Variants in MEGF6 observed in about 807,000 individuals in gnomAD.
The protein encoded by MEGF6 is multiple EGF like domains 6.
MEGF6 carries 184 observed loss-of-function variants against 207.1 expected under a neutral mutation model. The ratio of observed to expected loss-of-function variants is 0.89; its 90% CI spans 0.79 to 1.00. The LOEUF (loss-of-function observed/expected upper bound fraction) is 1.00. Among genes scored for constraint, MEGF6 ranks in the 50% least tolerant of loss-of-function variants. The pLI is 0.00. For missense variants in MEGF6, 2,282 were observed against 2,202.9 expected (o/e 1.04, Z -0.72); for synonymous variants, 1,038 against 910.0 (o/e 1.14, Z -2.53).
At chr1:3,562,248 A>G (rs536822705) in intron 4 of MEGF6, among the ~76,000 whole-genome samples, 2 of 149,248 alleles carry the variant, frequency 1.3e-5, no homozygotes, top group African/African-American at 2.5e-5. Context: ...CTATCTCTCT[A>G]TGTCTCTTTG....
chr1:3,551,583 T>C (rs1367159116), intron 4 of MEGF6, among the ~76,000 whole-genome samples: 1 of 152,024 alleles, frequency 6.6e-6, no homozygotes, highest in Non-Finnish European at 1.5e-5. Context: ...GCTCCCAGGA[T>C]GCGGTCCAGC....
At chr1:3,492,873 G>T in intron 34 of MEGF6, 106 bp from the exon 35 acceptor site, 1 of 1,467,768 alleles carries the variant, frequency 6.8e-7, no homozygotes, top group African/African-American at 1.4e-5. Context: ...GTGGAGTGAA[G>T]CCTTCTGCCT....
rs767301384 is a variant in MEGF6, at chr1:3,515,436, C to T, written c.696G>A (p.Gly232=). Residue 232 remains glycine, a synonymous_variant, in exon 6 of 37, where the codon GGG becomes GGA. Coordinates refer to ENST00000356575, the MANE Select transcript of MEGF6 (RefSeq NM_001409.4). ...GCCTGCCGTCCTCCTGGAGCTGGAACCCGGGCCGGCACTGGCAGCGATGCC... is the reference window on the plus strand; with the variant it reads ...GCCTGCCGTCCTCCTGGAGCTGGAATCCGGGCCGGCACTGGCAGCGATGCC... ...ITRHRCQCRP[G]FQLQEDGRHC... is the part of the protein sequence containing the mutation. The T allele has an allele frequency of 6.2e-7, 1 of 1,612,600 alleles. No homozygotes were observed. The highest frequency in any genetic ancestry group is 8.5e-7 in the Non-Finnish European group (1 of 1,179,890).
At chr1:3,491,130 G>A (rs1329855584) in intron 35 of MEGF6, among the ~76,000 whole-genome samples, 171 bp from the exon 36 acceptor site, 1 of 84,178 alleles carries the variant, frequency 1.2e-5, no homozygotes, top group Non-Finnish European at 1.9e-5. Flanking sequence ...GCGGGAGCTG[G>A]GGGGGGGGGC....
intron 7 of MEGF6, among the ~76,000 whole-genome samples, chr1:3,512,429 G>A (rs1228839455): frequency 3.3e-5 from 5 of 152,250 alleles, no homozygotes; most frequent in South Asian, 4.1e-4. Context: ...ACGACACCCC[G>A]TGGCCATCCG....
At chr1:3,540,611 A>G (rs1157164419) in intron 4 of MEGF6, among the ~76,000 whole-genome samples, 1 of 152,220 alleles carries the variant, frequency 6.6e-6, no homozygotes, top group African/African-American at 2.4e-5. Flanking sequence ...TGGGTAATTT[A>G]CAAACCCCTG....
At chr1:3,523,018 A>T (rs1641815462) in intron 5 of MEGF6, among the ~76,000 whole-genome samples, 1 of 151,390 alleles carries the variant, frequency 6.6e-6, no homozygotes. Context: ...ACCCAGGGAA[A>T]CTTTACAGAG....
intron 17 of MEGF6, 44 bp from the exon 18 acceptor site, chr1:3,501,965 T>C: frequency 7.9e-7 from 1 of 1,260,572 alleles, no homozygotes; most frequent in Non-Finnish European, 1.0e-6. Context: ...CCACGTGGAG[T>C]GGACTGACCA....
In MEGF6 at chr1:3,592,146, C is replaced by T. The variant is rs1380448770; in HGVS notation, c.376+3192G>A. On this transcript the variant is annotated intron_variant, in intron 3 of 36. Coordinates refer to ENST00000356575, the MANE Select transcript of MEGF6 (RefSeq NM_001409.4). The stretch of plus-strand genomic sequence containing the variant: ...CAGCCCAACAACCTCACACAGTGGC[C>T]CCAGGAGAGCAGCCGGTCTAGAGAG... 3.3e-5 allele frequency among the ~76,000 whole-genome samples: 5 copies of T among 152,310 alleles called. No individual in the cohort carries two copies. In the East Asian group the frequency reaches 9.7e-4, roughly 29 times the overall value.
rs563626893 is a variant in MEGF6 at position 3,601,196 on chromosome 1, C to T, written c.266+1270G>A. On this transcript the variant is annotated intron_variant, in intron 2 of 36. Transcript: ENST00000356575. Reference sequence around the variant, plus strand: ...CCATAGCGAGGGGACTTCCTCAGCCCGGCCACCAGCACTCTCTCCAGCCCT... The same window carrying T: ...CCATAGCGAGGGGACTTCCTCAGCCTGGCCACCAGCACTCTCTCCAGCCCT... Among the ~76,000 whole-genome samples the T allele has an allele frequency of 3.9e-5, 6 of 152,336 alleles. No homozygotes were observed. In the South Asian group the frequency reaches 8.3e-4, roughly 21 times the overall value.
intron 4 of MEGF6, among the ~76,000 whole-genome samples, chr1:3,538,804 C>G (rs769524037): frequency 1.3e-5 from 2 of 151,842 alleles, no homozygotes; most frequent in Non-Finnish European, 2.9e-5. Flanking sequence ...GTGCGAGGCC[C>G]GGGGGCACCT....
chr1:3,540,485 A>G (rs1332909432), intron 4 of MEGF6, among the ~76,000 whole-genome samples: 2 of 152,198 alleles, frequency 1.3e-5, no homozygotes, highest in East Asian at 1.9e-4. Context: ...TCCAGGGCCC[A>G]TGGGCGAGGG....
Position 3,611,448 on chromosome 1 carries a change from C to T in MEGF6, c.-180G>A. 2.4e-6 allele frequency: 2 copies of T among 817,702 alleles called. No individual in the cohort carries two copies. Among genetic ancestry groups the T allele is most frequent in the African/African-American group, 1.8e-5 (1 of 55,134 alleles). The allele number at this position is 817,702 out of a possible 1,614,324, so 50.7% of individuals were successfully genotyped here. On this transcript the variant is annotated 5_prime_UTR_variant, in exon 1 of 37. Coordinates refer to ENST00000356575, the MANE Select transcript of MEGF6 (RefSeq NM_001409.4). ...TTCCCGCCCGCGCCCAAAGTGGCAC[C>T]GCGGAGACCTGATCGCCGGGTCCAC... is the stretch of plus-strand genomic sequence containing the variant.
At chr1:3,539,940 G>A (rs979744003) in intron 4 of MEGF6, among the ~76,000 whole-genome samples, 6 of 152,134 alleles carry the variant, frequency 3.9e-5, no homozygotes, top group East Asian at 1.9e-4. Context: ...GCAGGCCCCC[G>A]GGGTCGCACC....
intron 24 of MEGF6, 34 bp downstream of exon 24, chr1:3,499,086 CACCCTCGCTCAGGCCTGG>C (rs1178988022): frequency 7.6e-6 from 12 of 1,583,780 alleles, no homozygotes; most frequent in Middle Eastern, 2.2e-4. Flanking sequence ...AAGAGGCCAG[CACCCTCGCTCAGGCCTGG>C]ACCCCGGTCC....
At chr1:3,532,467 C>T (rs1386192565) in intron 4 of MEGF6, among the ~76,000 whole-genome samples, 1 of 152,232 alleles carries the variant, frequency 6.6e-6, no homozygotes, top group Non-Finnish European at 1.5e-5. Flanking sequence ...CAGCCCAGCA[C>T]CACCTCCAGC....
At chr1:3,592,844 C>T (rs558887554) in intron 3 of MEGF6, among the ~76,000 whole-genome samples, 145 of 152,346 alleles carry the variant, frequency 9.5e-4, no homozygotes, top group African/African-American at 3.3e-3. Context: ...GCGCTAAAAA[C>T]GAATGTTTAA....
intron 4 of MEGF6, among the ~76,000 whole-genome samples, chr1:3,557,269 T>A (rs1643062932): frequency 6.6e-6 from 1 of 152,224 alleles, no homozygotes; most frequent in Non-Finnish European, 1.5e-5. Flanking sequence ...ATCTGTGCTG[T>A]TTGAAGCATT....
chr1:3,570,417 T>C (rs997266057), intron 4 of MEGF6, among the ~76,000 whole-genome samples: 2 of 151,988 alleles, frequency 1.3e-5, no homozygotes, highest in Non-Finnish European at 2.9e-5. Context: ...AGGATGTGCG[T>C]GGAAAAGCCA....
Sources: gnomAD v4.1 joint callset for allele counts (sites outside exome capture counted in the v4.1 genomes callset) on GRCh38, gnomAD v4.1.1 for gene constraint, MANE v1.5 for transcripts, NCBI Gene and HGNC (gene_info 2026-07-23, HGNC 2026-07-21) for gene names.